Variants in ATRX observed in about 807,000 individuals in gnomAD.
ATRX encodes chromatin remodeler ATRX.
ATRX carries 12 observed loss-of-function variants against 172.6 expected under a neutral mutation model. The ratio of observed to expected loss-of-function variants is 0.07; its 90% confidence interval spans 0.04 to 0.11. ATRX has a LOEUF of 0.11. ATRX is among the 10% of genes least tolerant of loss of function. ATRX has a pLI of 1.00. For missense variants in ATRX, 1,368 were observed against 1,767.4 expected, an observed-to-expected ratio of 0.77 and a Z score of 4.05; for synonymous variants, 674 against 594.7, an observed-to-expected ratio of 1.13 and a Z score of -1.94.
At chrX:77,700,325 C>T (rs1477459427) in intron 2 of ATRX, among the ~76,000 whole-genome samples, 1 of 112,054 alleles carries the variant, frequency 8.9e-6, no homozygotes, top group Non-Finnish European at 1.9e-5. Flanking sequence ...ATCCAGAACA[C>T]TGACTACATC....
rs1233229623 is a variant in ATRX, at chrX:77,505,794, GATAGT to G, written c.*2552_*2556del. ...CAGCACTTTGAATGGTGAAAACACA[GATAGT>G]ATATTGTCATACTTGAATGCTTTTC... On this transcript the variant is annotated 3_prime_UTR_variant, in exon 35 of 35. Coordinates refer to ENST00000373344, the MANE Select transcript of ATRX (RefSeq NM_000489.6). The G allele has an allele frequency of 1.3e-4, 23 of 171,094 alleles. No homozygotes were observed. In the East Asian group the frequency reaches 1.9e-3, roughly 14 times the overall value. 14.1% of individuals were successfully genotyped at this position (171,094 alleles called of 1,213,427 possible).
intron 19 of ATRX, among the ~76,000 whole-genome samples, chrX:77,621,167 G>A (rs1557099730): frequency 9.0e-6 from 1 of 111,363 alleles, no homozygotes; most frequent in Admixed American, 9.5e-5. Context: ...AAATATTTGG[G>A]ATTGCAATAT....
chrX:77,543,735 G>A lies in ATRX; in HGVS notation c.6699+13716C>T, dbSNP rs781943659. Among the ~76,000 whole-genome samples the A allele has an allele frequency of 5.5e-5, 6 of 109,886 alleles. No homozygotes were observed. In the East Asian group the frequency reaches 8.6e-4, roughly 16 times the overall value. On this transcript the variant is annotated intron_variant, in intron 30 of 34. Transcript: ENST00000373344. Reference sequence around the variant, plus strand: ...AGAAAATCAAACACCACATGTTCTCGCTCATAAGCGGGAGGTGAACAATGA... The same window carrying A: ...AGAAAATCAAACACCACATGTTCTCACTCATAAGCGGGAGGTGAACAATGA...
chrX:77,656,627 C>T lies in ATRX; in HGVS notation c.4147G>A (p.Asp1383Asn), dbSNP rs1557120026. 1 of 1,205,056 alleles carries T rather than the reference C, an allele frequency of 8.3e-7. No homozygotes were observed. Among genetic ancestry groups the T allele is most frequent in the Non-Finnish European group, 1.1e-6 (1 of 891,565 alleles). Residue 1383 changes from aspartate (D) to asparagine (N), a missense_variant, in exon 13 of 35, where the codon GAT (aspartate) becomes AAT (asparagine). Physicochemically the swap from Asp to Asn is conservative, Grantham distance 23. Around this residue, in one of 17 missense-constraint regions of ATRX, gnomAD observed 119 missense variants for 131.3 expected, o/e 0.91. Coordinates refer to ENST00000373344, the MANE Select transcript of ATRX (RefSeq NM_000489.6). ...KVSSEDSEDS[D>N]FQESGVSEEV... is the part of the protein sequence containing the mutation. Reference sequence around the variant, plus strand: ...TCACTAACTCCTGATTCCTGAAAATCAGAATCTTCTGAATCTTCACTGCTC... The same window carrying T: ...TCACTAACTCCTGATTCCTGAAAATTAGAATCTTCTGAATCTTCACTGCTC...
Position 77,618,786 on chromosome X carries a change from A to C in ATRX, c.5448+20T>G, listed in dbSNP as rs782183661. On this transcript the variant is annotated intron_variant, in intron 21 of 34. Coordinates refer to ENST00000373344, the MANE Select transcript of ATRX (RefSeq NM_000489.6). ...TATAAAAAAGTAAGAATATTTTATT[A>C]CTATGGAACATATTTGTACCTGAAC... is the stretch of plus-strand genomic sequence containing the variant. The C allele has an allele frequency of 1.9e-5, 22 of 1,179,057 alleles. No individual in the cohort carries two copies. The highest frequency in any genetic ancestry group is 2.4e-5 in the Non-Finnish European group (21 of 868,008).
chrX:77,708,671 A>T (rs1024262969), intron 2 of ATRX, among the ~76,000 whole-genome samples: 1 of 106,835 alleles, frequency 9.4e-6, no homozygotes, highest in African/African-American at 3.3e-5. Flanking sequence ...AAAAAAAAAT[A>T]AAAATAAAAA....
rs1329267400 is a variant in ATRX at position 77,777,647 on chromosome X, A to T, written c.20+8335T>A. ...TCAAATAAACCAAAAAATAACTAAT[A>T]TAATCCAAATAAGCAAAATAACAAA... On this transcript the variant is annotated intron_variant, in intron 1 of 34. Transcript: ENST00000373344. 1.8e-5 allele frequency among the ~76,000 whole-genome samples: 2 copies of T among 111,685 alleles called. 1 individual carries two copies. The highest frequency in any genetic ancestry group is 3.8e-5 in the Non-Finnish European group (2 of 53,201).
chrX:77,507,257 GA>G lies in ATRX; in HGVS notation c.*1093del, dbSNP rs1432397182. On this transcript the variant is annotated 3_prime_UTR_variant, in exon 35 of 35. Coordinates refer to ENST00000373344, the MANE Select transcript of ATRX (RefSeq NM_000489.6). ...GGGGTAAAAGAACATGATGATGAGA[GA>G]AAAGAAGCGCATAGAAGCCAGTGAT... 3 of 170,956 alleles carry G rather than the reference GA, an allele frequency of 1.8e-5. No individual in the cohort carries two copies. Among genetic ancestry groups the G allele is most frequent in the Non-Finnish European group, 3.3e-5 (3 of 89,804 alleles). The allele number at this position is 170,956 out of a possible 1,213,427, so 14.1% of individuals were successfully genotyped here.
At chrX:77,762,137 C>T (rs782159157) in intron 1 of ATRX, among the ~76,000 whole-genome samples, 3 of 108,618 alleles carry the variant, frequency 2.8e-5, no homozygotes, top group Admixed American at 2.0e-4. Flanking sequence ...CCCATCTCTA[C>T]AAAAAATACA....
intron 30 of ATRX, among the ~76,000 whole-genome samples, chrX:77,547,144 T>G (rs1557053721): frequency 9.0e-6 from 1 of 111,690 alleles, no homozygotes; most frequent in African/African-American, 3.3e-5. Flanking sequence ...AAACCTGGTA[T>G]TTTAAATTTC....
chrX:77,772,467 CAAAA>C (rs782408268), intron 1 of ATRX, among the ~76,000 whole-genome samples: 3 of 39,836 alleles, frequency 7.5e-5, no homozygotes, highest in Non-Finnish European at 4.7e-5. Context: ...TCCCTTCTCT[CAAAA>C]AAAAAAAAAA....
rs782242616 is a variant in ATRX, at chrX:77,609,061, G to A, written c.5566+7552C>T. On this transcript the variant is annotated intron_variant, in intron 22 of 34. Coordinates refer to ENST00000373344, the MANE Select transcript of ATRX (RefSeq NM_000489.6). Reference sequence around the variant, plus strand: ...ATAAGATATCATCTCACCCTTTAAAGTGGCTTTTATCCAAAAGACAGACAA... The same window carrying A: ...ATAAGATATCATCTCACCCTTTAAAATGGCTTTTATCCAAAAGACAGACAA... 2.1e-4 allele frequency among the ~76,000 whole-genome samples: 23 copies of A among 112,019 alleles called. No homozygotes were observed. The South Asian group carries it at 8.2e-3, about 40-fold the overall frequency.
intron 34 of ATRX, 106 bp downstream of exon 34, chrX:77,520,682 T>A: frequency 1.2e-6 from 1 of 831,186 alleles, no homozygotes; most frequent in Non-Finnish European, 1.7e-6. Flanking sequence ...TGACTATCCA[T>A]CCCTCCATAG....
intron 1 of ATRX, among the ~76,000 whole-genome samples, chrX:77,755,168 G>A (rs5959658): frequency 0.028 from 3,149 of 112,582 alleles, 110 homozygotes; most frequent in African/African-American, 0.097. Flanking sequence ...TTCTTGTGCT[G>A]TGTTTTTCAG....
chrX:77,682,056 G>A lies in ATRX; in HGVS notation c.3200C>T (p.Ser1067Leu), dbSNP rs2071236443. 5.8e-6 allele frequency: 7 copies of A among 1,210,231 alleles called. No individual in the cohort carries two copies. The highest frequency in any genetic ancestry group is 6.7e-6 in the Non-Finnish European group (6 of 894,725). ...GTCACAACTATCTCCTTTCCCTGTT[G>A]ACTTCTCAGCATAATCAGATAATTC... ...KDELSDYAEKSTGKGDSCDSS... is the reference protein window; with the variant it reads ...KDELSDYAEKLTGKGDSCDSS... The change falls in exon 9 of 35, where the codon TCA becomes TTA. Residue 1067 changes from serine to leucine, a missense_variant. Ser to Leu is a moderately radical substitution (Grantham distance 145). This residue lies in a region of ATRX where 843 missense variants were observed against 643.1 expected (regional missense o/e 1.31). Coordinates refer to ENST00000373344, the MANE Select transcript of ATRX (RefSeq NM_000489.6).
intron 1 of ATRX, among the ~76,000 whole-genome samples, chrX:77,749,952 C>A (rs1557186732): frequency 9.1e-6 from 1 of 110,455 alleles, no homozygotes; most frequent in Non-Finnish European, 1.9e-5. Context: ...GCAGATGATC[C>A]TCCTTCTGAT....
At chrX:77,747,609 C>A (rs924440771) in intron 1 of ATRX, among the ~76,000 whole-genome samples, 16 of 111,451 alleles carry the variant, frequency 1.4e-4, no homozygotes, top group Non-Finnish European at 2.1e-4. Context: ...AATATTTACA[C>A]CAAATGCTGA....
At position 77,664,624 on chromosome X, in the gene ATRX, ACTT is replaced by A. The variant is rs2070133860; in HGVS notation, c.3943+18_3943+20del. 5 of 1,206,755 alleles carry A rather than the reference ACTT, an allele frequency of 4.1e-6. No individual in the cohort carries two copies. The African/African-American group carries it at 8.8e-5, about 21-fold the overall frequency. On this transcript the variant is annotated intron_variant, in intron 11 of 34. Coordinates refer to ENST00000373344, the MANE Select transcript of ATRX (RefSeq NM_000489.6). ...AAGGAATCAAATTATGACATTATAA[ACTT>A]CTCTCTGGGGAGCTCACCCTCATCT...
intron 1 of ATRX, among the ~76,000 whole-genome samples, chrX:77,769,490 T>C (rs1424145390): frequency 1.8e-5 from 2 of 110,718 alleles, no homozygotes; most frequent in African/African-American, 6.6e-5. Context: ...GGTTTCACCA[T>C]GTTGGCCAGG....
Sources: gnomAD v4.1 joint callset for allele counts (sites outside exome capture counted in the v4.1 genomes callset) on GRCh38, gnomAD v4.1.1 for gene constraint, gnomAD v4.1.1 regional missense constraint, MANE v1.5 for transcripts, NCBI Gene and HGNC (gene_info 2026-07-23, HGNC 2026-07-21) for gene names.